Variants in USP25 observed in about 807,000 individuals in gnomAD.
The protein encoded by USP25 is ubiquitin carboxyl-terminal hydrolase 25.
Under a neutral mutation model 158.5 loss-of-function variants are expected in USP25, and 85 were observed. The observed-to-expected ratio is 0.54, with a 90% confidence interval of 0.45 to 0.64. The LOEUF (loss-of-function observed/expected upper bound fraction) is 0.64, where lower values mean the gene tolerates loss of function less well. Among genes scored for constraint, USP25 ranks in the 30% least tolerant of loss-of-function variants. The probability of loss-of-function intolerance (pLI) is 0.00; values close to 1 mark genes in which losing one functional copy is unlikely to be tolerated. For missense variants in USP25, 1,242 were observed against 1,327.3 expected, an observed-to-expected ratio of 0.94 and a Z score of 1.00; for synonymous variants, 464 against 460.4, an observed-to-expected ratio of 1.01 and a Z score of -0.10.
At chr21:15,855,586 A>G (rs747897808) in intron 20 of USP25, among the ~76,000 whole-genome samples, 1 of 152,226 alleles carries the variant, frequency 6.6e-6, no homozygotes, top group Non-Finnish European at 1.5e-5. Context: ...CAGCGGTCCA[A>G]CATTTCCATG....
intron 7 of USP25, among the ~76,000 whole-genome samples, chr21:15,806,108 TA>T (rs559669495): frequency 6.6e-6 from 1 of 152,070 alleles, no homozygotes; most frequent in Admixed American, 6.5e-5. Context: ...GTTGCATTTT[TA>T]AAAAAAATTC....
At position 15,827,255 on chromosome 21, in the gene USP25, A is replaced by T. The variant is rs1364468288; in HGVS notation, c.1693+52A>T. On this transcript the variant is annotated intron_variant, in intron 14 of 25. Transcript: ENST00000400183. Reference sequence around the variant, plus strand: ...CTGTCACCTCAGATGGATATGTGTAATGTTAATATTGAGAAGGGAAATCAC... The same window carrying T: ...CTGTCACCTCAGATGGATATGTGTATTGTTAATATTGAGAAGGGAAATCAC... The T allele has an allele frequency of 2.2e-6, 3 of 1,387,724 alleles. No homozygotes were observed. In the East Asian group the frequency reaches 7.0e-5, roughly 32 times the overall value. The allele number at this position is 1,387,724 out of a possible 1,614,324, so 86.0% of individuals were successfully genotyped here.
intron 1 of USP25, among the ~76,000 whole-genome samples, chr21:15,734,406 A>C (rs970480770): frequency 2.8e-4 from 43 of 152,326 alleles, no homozygotes; most frequent in Middle Eastern, 3.4e-3. Flanking sequence ...GGCATTCTTT[A>C]TTAGGAATCA....
At chr21:15,838,381 A>C (rs2146424346) in intron 17 of USP25, among the ~76,000 whole-genome samples, 1 of 152,216 alleles carries the variant, frequency 6.6e-6, no homozygotes, top group African/African-American at 2.4e-5. Flanking sequence ...GGAGAACATA[A>C]AATTTTAAAG....
intron 7 of USP25, among the ~76,000 whole-genome samples, chr21:15,808,435 G>C (rs1600979972): frequency 6.6e-6 from 1 of 152,230 alleles, no homozygotes; most frequent in Admixed American, 6.5e-5. Context: ...ATAAAACGAA[G>C]AACTGTTTGC....
At chr21:15,817,568 G>T (rs972338485) in intron 9 of USP25, among the ~76,000 whole-genome samples, 1 of 152,092 alleles carries the variant, frequency 6.6e-6, no homozygotes, top group Non-Finnish European at 1.5e-5. Flanking sequence ...ATTTGCAAAA[G>T]AAAGAGGTTT....
At chr21:15,778,345 G>A (rs1322349420) in intron 4 of USP25, among the ~76,000 whole-genome samples, 5 of 151,920 alleles carry the variant, frequency 3.3e-5, no homozygotes, top group Admixed American at 1.3e-4. Flanking sequence ...TATAGCAAGG[G>A]TCAGCATCCT....
At chr21:15,744,288 G>A (rs574183793) in intron 1 of USP25, 1 of 152,488 alleles carries the variant, frequency 6.6e-6, no homozygotes, top group Non-Finnish European at 1.5e-5. Context: ...GTCCATCTTG[G>A]TGTTGGCTTA....
intron 21 of USP25, among the ~76,000 whole-genome samples, chr21:15,864,886 A>G (rs561850859): frequency 6.6e-6 from 1 of 152,162 alleles, no homozygotes; most frequent in Non-Finnish European, 1.5e-5. Context: ...GTATTGCCAA[A>G]TAACTCCTAG....
At chr21:15,872,028 T>TG (rs1255146325) in intron 23 of USP25, among the ~76,000 whole-genome samples, 2 of 147,642 alleles carry the variant, frequency 1.4e-5, no homozygotes, top group Non-Finnish European at 3.0e-5. Flanking sequence ...TTTTTTTTTT[T>TG]TTTTTTTTTT....
chr21:15,802,208 A>G (rs987123363), intron 6 of USP25, among the ~76,000 whole-genome samples: 8 of 151,622 alleles, frequency 5.3e-5, no homozygotes, highest in Non-Finnish European at 8.9e-5. Context: ...TTTAGGACAA[A>G]TATTTCAAAA....
rs554814393 is a variant in USP25 at position 15,847,361 on chromosome 21, C to T, written c.2338-302C>T. Among the ~76,000 whole-genome samples, 292 of 152,144 alleles carry T rather than the reference C, an allele frequency of 1.9e-3. 2 individuals carry two copies. Among genetic ancestry groups the T allele is most frequent in the African/African-American group, 6.6e-3 (272 of 41,496 alleles). ...AAAATGTAATGATATTGGTAATACC[C>T]AGTTTGAGGATGTAAAGGGAAAACT... On this transcript the variant is annotated intron_variant, in intron 18 of 25. Coordinates refer to ENST00000400183, the MANE Select transcript of USP25 (RefSeq NM_001283041.3).
At chr21:15,746,514 C>G (rs548348242) in intron 1 of USP25, among the ~76,000 whole-genome samples, 2 of 152,266 alleles carry the variant, frequency 1.3e-5, no homozygotes, top group Admixed American at 1.3e-4. Flanking sequence ...CCTGCCTCAG[C>G]CTCCCTAGTA....
intron 23 of USP25, among the ~76,000 whole-genome samples, chr21:15,870,738 G>A (rs921939232): frequency 6.6e-6 from 1 of 152,000 alleles, no homozygotes; most frequent in African/African-American, 2.4e-5. Context: ...ATTGTTTTTT[G>A]AGAAAATGCT....
chr21:15,827,980 T>C (rs965581125), intron 14 of USP25, among the ~76,000 whole-genome samples: 6 of 152,122 alleles, frequency 3.9e-5, no homozygotes, highest in African/African-American at 1.4e-4. Context: ...TTTCCTTAAA[T>C]GTGAAAATAT....
intron 1 of USP25, among the ~76,000 whole-genome samples, chr21:15,749,320 A>G (rs10482876): frequency 0.079 from 11,992 of 152,190 alleles, 511 homozygotes; most frequent in East Asian, 0.099. Flanking sequence ...TGTATTCTAA[A>G]TATTGCTTTA....
chr21:15,827,343 A>G, intron 14 of USP25, 140 bp downstream of exon 14: 1 of 777,238 alleles, frequency 1.3e-6, no homozygotes, highest in Admixed American at 2.9e-5. Context: ...TTTAAGATAA[A>G]CTAGTTTGGC....
At chr21:15,754,266 T>G (rs984968174) in intron 1 of USP25, among the ~76,000 whole-genome samples, 4 of 152,166 alleles carry the variant, frequency 2.6e-5, no homozygotes. Flanking sequence ...AGTGCCTCTT[T>G]TCTGTGGGAT....
At chr21:15,738,961 C>T (rs1042993405) in intron 1 of USP25, among the ~76,000 whole-genome samples, 2 of 152,096 alleles carry the variant, frequency 1.3e-5, no homozygotes, top group Non-Finnish European at 2.9e-5. Context: ...TTGATCATGA[C>T]CCTCTCACAC....
Sources: allele counts gnomAD v4.1 joint callset (sites outside exome capture counted in the v4.1 genomes callset), GRCh38; gene constraint gnomAD v4.1.1; transcripts MANE v1.5; gene names NCBI Gene and HGNC (gene_info 2026-07-23, HGNC 2026-07-21).